ABHD6: variants seen among roughly 807,000 people sequenced by gnomAD.
ABHD6 encodes the protein monoacylglycerol lipase ABHD6.
Under a neutral mutation model 38.8 loss-of-function variants are expected in ABHD6, and 33 were observed. The ratio of observed to expected loss-of-function variants is 0.85; its 90% CI spans 0.64 to 1.14. ABHD6 has a LOEUF of 1.14. ABHD6 is among the 50% of genes most tolerant of loss of function. ABHD6 has a pLI of 0.00. For missense variants in ABHD6, 380 were observed against 422.6 expected, an observed-to-expected ratio of 0.90 and a Z score of 0.88; for synonymous variants, 147 against 161.6, an observed-to-expected ratio of 0.91 and a Z score of 0.69.
intron 1 of ABHD6, among the ~76,000 whole-genome samples, chr3:58,246,886 T>C (rs1249841099): frequency 7.9e-5 from 12 of 152,078 alleles, no homozygotes; most frequent in Admixed American, 5.2e-4. Context: ...TGGGCAGTAG[T>C]CCGCCAGTCA....
At chr3:58,244,127 C>T (rs1361664323) in intron 1 of ABHD6, among the ~76,000 whole-genome samples, 1 of 152,138 alleles carries the variant, frequency 6.6e-6, no homozygotes, top group Non-Finnish European at 1.5e-5. Context: ...AGATGTTTTG[C>T]AAATATGACA....
In ABHD6 at chr3:58,285,377, A is replaced by T; in HGVS notation, c.761A>T (p.Lys254Met). 1 of 1,614,202 alleles carries T rather than the reference A, an allele frequency of 6.2e-7. No homozygotes were observed. Among genetic ancestry groups the T allele is most frequent in the South Asian group, 1.1e-5 (1 of 91,086 alleles). ...GTGTTTTTGGAAATCGTCAGTGAGA[A>T]GTCCAGATACTCTCTCCATCAGAAC... ...RKLFLEIVSE[K>M]SRYSLHQNMD... is the part of the protein sequence containing the mutation. Residue 254 changes from lysine (K) to methionine (M), a missense_variant, in exon 9 of 10, where the codon AAG (lysine) becomes ATG (methionine). Transcript: ENST00000478253. This position sits in a 1 kb window ranked among gnomAD's most constrained non-coding sequence, Gnocchi z 4.9.
chr3:58,242,102 G>A (rs915194659), intron 1 of ABHD6, among the ~76,000 whole-genome samples: 4 of 152,154 alleles, frequency 2.6e-5, no homozygotes, highest in Admixed American at 1.3e-4. Flanking sequence ...GAGAATAGGC[G>A]TGCCGGGGAG....
chr3:58,243,566 G>A (rs1236391890), intron 1 of ABHD6, among the ~76,000 whole-genome samples: 1 of 151,932 alleles, frequency 6.6e-6, no homozygotes, highest in African/African-American at 2.4e-5. Flanking sequence ...GAAAAAAACA[G>A]AAAGCCAGTG....
Position 58,294,416 on chromosome 3 carries a change from A to T in ABHD6, c.*651A>T, listed in dbSNP as rs1030962682. 2 of 152,398 alleles carry T rather than the reference A, an allele frequency of 1.3e-5. No individual in the cohort carries two copies. The highest frequency in any genetic ancestry group is 2.4e-5 in the African/African-American group (1 of 41,322). The allele number at this position is 152,398 out of a possible 1,614,324, so 9.4% of individuals were successfully genotyped here. ...CACCAGTCAGGTATGTTCTGAGTGA[A>T]CCCACAGCAGTCGCAGAATGAGCAC... On this transcript the variant is annotated 3_prime_UTR_variant, in exon 10 of 10. Coordinates refer to ENST00000478253, the MANE Select transcript of ABHD6 (RefSeq NM_001320126.2).
chr3:58,248,702 G>T (rs1470028839), intron 1 of ABHD6, among the ~76,000 whole-genome samples: 1 of 150,490 alleles, frequency 6.6e-6, no homozygotes, highest in African/African-American at 2.4e-5. Flanking sequence ...CTATCTCAAA[G>T]AAAAAAAAAG....
intron 7 of ABHD6, among the ~76,000 whole-genome samples, chr3:58,280,077 T>A (rs2097451977): frequency 6.6e-6 from 1 of 152,200 alleles, no homozygotes; most frequent in South Asian, 2.1e-4. Context: ...TTGGGGTTGC[T>A]ATTCTCGAGT....
intron 6 of ABHD6, among the ~76,000 whole-genome samples, chr3:58,271,962 C>T (rs1481927524): frequency 2.0e-5 from 3 of 151,756 alleles, no homozygotes; most frequent in African/African-American, 4.8e-5. Context: ...GGTGGAGTTT[C>T]GCAATGTTGG....
chr3:58,270,855 G>A (rs1174361866), intron 5 of ABHD6, 77 bp from the exon 6 acceptor site: 2 of 1,454,384 alleles, frequency 1.4e-6, no homozygotes, highest in East Asian at 2.4e-5. Context: ...GGAAGTCCAG[G>A]GGGCTTCTAT....
chr3:58,252,283 C>A (rs1398303889), intron 2 of ABHD6, among the ~76,000 whole-genome samples: 1 of 118,240 alleles, frequency 8.5e-6, no homozygotes, highest in Non-Finnish European at 1.6e-5. Context: ...CCTAGGCTGT[C>A]GGCTCACTGA....
intron 6 of ABHD6, among the ~76,000 whole-genome samples, chr3:58,271,764 C>CTTTTTTTTTTTTTTTT (rs1302501356): frequency 2.6e-5 from 2 of 78,150 alleles, no homozygotes; most frequent in African/African-American, 9.4e-5. Context: ...CCCCCTCTCT[C>CTTTTTTTTTTTTTTTT]TGTTTTTTTT....
chr3:58,246,085 C>G (rs116060934), intron 1 of ABHD6, among the ~76,000 whole-genome samples: 1 of 152,190 alleles, frequency 6.6e-6, no homozygotes, highest in Non-Finnish European at 1.5e-5. Context: ...TACATGTACT[C>G]ATGCTAATTC....
At chr3:58,243,775 CTCAGCCTCCT>C (rs1319469782) in intron 1 of ABHD6, among the ~76,000 whole-genome samples, 37 of 152,040 alleles carry the variant, frequency 2.4e-4, no homozygotes, top group Non-Finnish European at 1.5e-5. Context: ...ATTCTTGTGC[CTCAGCCTCCT>C]TTGTAGCTGG....
At chr3:58,261,776 T>C (rs139315493) in intron 3 of ABHD6, among the ~76,000 whole-genome samples, 1 of 152,330 alleles carries the variant, frequency 6.6e-6, no homozygotes, top group East Asian at 1.9e-4. Flanking sequence ...GTATAGTTGC[T>C]ATGCACAAAT....
rs887394823 is a variant in ABHD6, at chr3:58,238,824, G to A, written c.-91+908G>A. On this transcript the variant is annotated intron_variant, in intron 1 of 9. Transcript: ENST00000478253. The surrounding 1 kb of genome is among the most constrained non-coding windows in gnomAD (Gnocchi z 6.9). ...GGACCTGGAGGCCCTCATTTATCTC[G>A]CCGCCCCCCTCCCCGCTGCTCCCGC... 2.0e-5 allele frequency among the ~76,000 whole-genome samples: 3 copies of A among 152,088 alleles called. No individual in the cohort carries two copies. Among genetic ancestry groups the A allele is most frequent in the African/African-American group, 7.2e-5 (3 of 41,394 alleles).
chr3:58,264,174 T>C (rs937134931), intron 3 of ABHD6, among the ~76,000 whole-genome samples: 4 of 152,162 alleles, frequency 2.6e-5, no homozygotes, highest in African/African-American at 9.7e-5. Context: ...CTAAAGTTAG[T>C]ATTGATTTTT....
At chr3:58,275,156 T>C (rs998163455) in intron 7 of ABHD6, among the ~76,000 whole-genome samples, 7 of 152,110 alleles carry the variant, frequency 4.6e-5, no homozygotes, top group African/African-American at 1.7e-4. Context: ...GATAAGCCTC[T>C]TCTAGGGACA....
At chr3:58,290,066 C>T (rs1440782787) in intron 9 of ABHD6, among the ~76,000 whole-genome samples, 14 of 126,490 alleles carry the variant, frequency 1.1e-4, no homozygotes, top group African/African-American at 9.9e-5. Context: ...CCCTCCCGGA[C>T]GGGGCGGCTG....
At chr3:58,290,671 T>C (rs75642881) in intron 9 of ABHD6, among the ~76,000 whole-genome samples, 6 of 141,372 alleles carry the variant, frequency 4.2e-5, no homozygotes, top group African/African-American at 1.1e-4. Flanking sequence ...ATGGGGCGGC[T>C]GGGCAGAGAC....
Sources: gnomAD v4.1 joint callset for allele counts (sites outside exome capture counted in the v4.1 genomes callset) on GRCh38, gnomAD v4.1.1 for gene constraint, Gnocchi (gnomAD v3.1) non-coding constraint, MANE v1.5 for transcripts, NCBI Gene and HGNC (gene_info 2026-07-23, HGNC 2026-07-21) for gene names.